DTNBP1: variants seen among roughly 807,000 people sequenced by gnomAD.
DTNBP1 encodes dysbindin.
Under a neutral mutation model 42.8 loss-of-function variants are expected in DTNBP1, and 35 were observed. The observed-to-expected ratio is 0.82, with a 90% CI of 0.63 to 1.09. DTNBP1 has a LOEUF of 1.09. DTNBP1 is among the 50% of genes least tolerant of loss of function. The pLI is 0.00. For synonymous variants in DTNBP1, 171 were observed against 162.2 expected, an observed-to-expected ratio of 1.05 and a Z score of -0.41; for missense variants, 457 against 424.2, an observed-to-expected ratio of 1.08 and a Z score of -0.68.
chr6:15,595,191 T>A (rs1776462523), intron 6 of DTNBP1: 1 of 455,574 alleles, frequency 2.2e-6, no homozygotes. Flanking sequence ...AACAGATGAC[T>A]GCTTGAAGTA....
chr6:15,583,548 A>T (rs1025940487), intron 7 of DTNBP1, among the ~76,000 whole-genome samples: 1 of 152,226 alleles, frequency 6.6e-6, no homozygotes, highest in Admixed American at 6.5e-5. Flanking sequence ...AAAATCATGA[A>T]GCTCCATATG....
chr6:15,649,755 G>A (rs1250901182), intron 3 of DTNBP1, among the ~76,000 whole-genome samples: 2 of 152,120 alleles, frequency 1.3e-5, no homozygotes, highest in African/African-American at 2.4e-5. Flanking sequence ...GTTTCAGTGC[G>A]ATGTATAAAC....
intron 6 of DTNBP1, among the ~76,000 whole-genome samples, chr6:15,596,361 C>T (rs1170537374): frequency 6.6e-6 from 1 of 152,154 alleles, no homozygotes; most frequent in East Asian, 1.9e-4. Flanking sequence ...CTACAGATTC[C>T]TACTCCCTCG....
chr6:15,550,391 A>G (rs899787590), intron 7 of DTNBP1, among the ~76,000 whole-genome samples: 4 of 152,200 alleles, frequency 2.6e-5, no homozygotes, highest in Admixed American at 6.5e-5. Flanking sequence ...ATAGCTTTGA[A>G]TTTTGTTTCC....
In DTNBP1 at chr6:15,593,095, A is replaced by G; in HGVS notation, c.489-14T>C. The G allele has an allele frequency of 6.4e-7, 1 of 1,570,742 alleles. No homozygotes were observed. The highest frequency in any genetic ancestry group is 8.6e-7 in the Non-Finnish European group (1 of 1,158,744). ...TCAAGTTCCTTCCTGTAGGAAAAAA[A>G]AAAAAAAGACAAGACAATGCAAATT... On this transcript the variant is annotated splice_polypyrimidine_tract_variant and intron_variant, in intron 6 of 9. Transcript: ENST00000344537.
intron 5 of DTNBP1, among the ~76,000 whole-genome samples, chr6:15,620,742 T>C (rs1325043686): frequency 1.3e-5 from 2 of 152,228 alleles, no homozygotes; most frequent in Non-Finnish European, 2.9e-5. Context: ...GTGCATTCAG[T>C]ATCGTGCATG....
At chr6:15,537,428 C>CA (rs35563702) in intron 7 of DTNBP1, among the ~76,000 whole-genome samples, 3,391 of 124,670 alleles carry the variant, frequency 0.027, 115 homozygotes, top group African/African-American at 0.086. Context: ...GACTGCATCT[C>CA]AAAAAAAAAA....
chr6:15,659,471 C>T (rs137982546), intron 1 of DTNBP1, among the ~76,000 whole-genome samples: 4 of 152,224 alleles, frequency 2.6e-5, no homozygotes, highest in East Asian at 1.9e-4. Context: ...TCTACAGAAA[C>T]GCCAGGTCCA....
chr6:15,662,454 CG>C (rs1415206886), intron 1 of DTNBP1, among the ~76,000 whole-genome samples: 5 of 152,256 alleles, frequency 3.3e-5, no homozygotes, highest in African/African-American at 1.2e-4. Context: ...CACTGTGCCG[CG>C]GGGGCGGAAG....
intron 8 of DTNBP1, among the ~76,000 whole-genome samples, chr6:15,525,626 A>G (rs1010240715): frequency 7.2e-5 from 11 of 152,242 alleles, no homozygotes; most frequent in Non-Finnish European, 5.9e-5. Context: ...AAAGCCAAAT[A>G]ATGACTAGGT....
intron 1 of DTNBP1, 91 bp from the exon 2 acceptor site, chr6:15,652,231 G>T: frequency 9.6e-7 from 1 of 1,038,142 alleles, no homozygotes; most frequent in Non-Finnish European, 1.4e-6. Context: ...GTCCAGGCTG[G>T]AGTGCAGTGA....
At chr6:15,602,815 G>T (rs1561985210) in intron 6 of DTNBP1, among the ~76,000 whole-genome samples, 1 of 152,080 alleles carries the variant, frequency 6.6e-6, no homozygotes, top group Admixed American at 6.6e-5. Context: ...TACACTTTAG[G>T]TTTTCATGCC....
chr6:15,556,384 G>A lies in DTNBP1; in HGVS notation c.512-22989C>T, dbSNP rs902631124. 2.6e-5 allele frequency among the ~76,000 whole-genome samples: 4 copies of A among 152,082 alleles called. No individual in the cohort carries two copies. The East Asian group carries it at 5.8e-4, about 22-fold the overall frequency. ...TTTAGTAGAGACGGGGTTTCACCAT[G>A]TTGGCCAGGCTGGTATTGAACTCCT... On this transcript the variant is annotated intron_variant, in intron 7 of 9. Transcript: ENST00000344537.
intron 7 of DTNBP1, among the ~76,000 whole-genome samples, chr6:15,564,430 C>T (rs1581329021): frequency 1.3e-5 from 2 of 151,624 alleles, no homozygotes; most frequent in Admixed American, 1.3e-4. Context: ...TTTTTTGAGA[C>T]AAGGTCTCAC....
chr6:15,531,256 G>A (rs2127795165), intron 8 of DTNBP1, among the ~76,000 whole-genome samples: 1 of 152,288 alleles, frequency 6.6e-6, no homozygotes, highest in East Asian at 1.9e-4. Context: ...GGCAGCTGGG[G>A]TAAGACAGTG....
At chr6:15,629,844 T>C (rs760654722) in intron 4 of DTNBP1, among the ~76,000 whole-genome samples, 1 of 152,086 alleles carries the variant, frequency 6.6e-6, no homozygotes, top group African/African-American at 2.4e-5. Context: ...ATGCCCTTAA[T>C]CAACCTACTA....
intron 8 of DTNBP1, 45 bp from the exon 9 acceptor site, chr6:15,524,714 T>C (rs1177437103): frequency 3.7e-6 from 6 of 1,603,852 alleles, no homozygotes; most frequent in Non-Finnish European, 5.1e-6. Flanking sequence ...TCTTTAATAT[T>C]ACTTTAAAAG....
intron 7 of DTNBP1, among the ~76,000 whole-genome samples, chr6:15,584,775 A>G (rs1025236399): frequency 6.8e-6 from 1 of 147,112 alleles, no homozygotes; most frequent in Non-Finnish European, 1.5e-5. Context: ...GATGTATATA[A>G]CATGCCATAA....
chr6:15,575,832 G>A (rs1263055136), intron 7 of DTNBP1, among the ~76,000 whole-genome samples: 1 of 152,140 alleles, frequency 6.6e-6, no homozygotes, highest in African/African-American at 2.4e-5. Context: ...AGTTTCAGAG[G>A]GAAACAGGAA....
Sources: gnomAD v4.1 joint callset for allele counts (sites outside exome capture counted in the v4.1 genomes callset) on GRCh38, gnomAD v4.1.1 for gene constraint, MANE v1.5 for transcripts, NCBI Gene and HGNC (gene_info 2026-07-23, HGNC 2026-07-21) for gene names.